Variants in SPAG1 observed in about 807,000 individuals in gnomAD.
SPAG1 encodes sperm-associated antigen 1.
SPAG1 carries 69 observed loss-of-function variants against 100.5 expected under a neutral mutation model. The observed-to-expected ratio is 0.69, with a 90% CI of 0.57 to 0.84. The LOEUF is 0.84. SPAG1 is among the 40% of genes least tolerant of loss of function. The pLI is 0.00. For synonymous variants in SPAG1, 336 were observed against 411.6 expected (o/e 0.82, Z 2.22); for missense variants, 955 against 1,133.1 (o/e 0.84, Z 2.26).
intron 3 of SPAG1, among the ~76,000 whole-genome samples, chr8:100,172,546 G>C (rs988149060): frequency 2.6e-5 from 4 of 152,058 alleles, no homozygotes; most frequent in African/African-American, 9.7e-5. Flanking sequence ...CTTGAACCCA[G>C]GAGGTGGAGG....
chr8:100,217,155 G>C (rs763548535), intron 12 of SPAG1, among the ~76,000 whole-genome samples: 1 of 151,688 alleles, frequency 6.6e-6, no homozygotes, highest in Non-Finnish European at 1.5e-5. Flanking sequence ...AGGCCAGGCT[G>C]GTCTTGAATT....
intron 10 of SPAG1, among the ~76,000 whole-genome samples, chr8:100,199,921 T>C (rs1296410968): frequency 1.3e-5 from 2 of 152,202 alleles, no homozygotes; most frequent in African/African-American, 4.8e-5. Flanking sequence ...TTTTTTGTTT[T>C]TTTTTTAGGG....
At chr8:100,234,528 T>G (rs995922792) in intron 16 of SPAG1, among the ~76,000 whole-genome samples, 9 of 152,240 alleles carry the variant, frequency 5.9e-5, no homozygotes, top group African/African-American at 2.2e-4. Context: ...TGGACTCTAC[T>G]GTTTGGCTTC....
In SPAG1 at chr8:100,194,275, T is replaced by C. The variant is rs1816936417; in HGVS notation, c.1096+7T>C. On this transcript the variant is annotated splice_region_variant and intron_variant, in intron 10 of 18. Transcript: ENST00000388798. ...GATGGCGGTGGAGATAAGAGTAAAA[T>C]ATTTTTTCTATTTAGGTTATGTAAA... is the stretch of plus-strand genomic sequence containing the variant. The C allele has an allele frequency of 1.2e-6, 2 of 1,604,914 alleles. No homozygotes were observed. The highest frequency in any genetic ancestry group is 1.3e-5 in the African/African-American group (1 of 74,618).
Position 100,174,277 on chromosome 8 carries a change from A to G in SPAG1, c.301-3539A>G, listed in dbSNP as rs112878227. Among the ~76,000 whole-genome samples, 997 of 152,336 alleles carry G rather than the reference A, an allele frequency of 6.5e-3. 12 individuals carry two copies. The highest frequency in any genetic ancestry group is 0.023 in the African/African-American group (945 of 41,582). On this transcript the variant is annotated intron_variant, in intron 3 of 18. Transcript: ENST00000388798. ...TTCTTACAATAAAGTAAGCTAGAGA[A>G]AAGAAAATGTTATTAGGAAAATCAT...
intron 3 of SPAG1, among the ~76,000 whole-genome samples, chr8:100,168,073 G>T (rs990508017): frequency 2.0e-5 from 3 of 152,108 alleles, no homozygotes; most frequent in Non-Finnish European, 2.9e-5. Flanking sequence ...GATAAGACCC[G>T]CAGTGGATGC....
intron 10 of SPAG1, among the ~76,000 whole-genome samples, chr8:100,205,274 A>G (rs1817458919): frequency 6.6e-6 from 1 of 152,130 alleles, no homozygotes; most frequent in Non-Finnish European, 1.5e-5. Context: ...TCCTTCCCCA[A>G]GGAGACCTCT....
At chr8:100,192,417 A>G (rs1816853491) in intron 9 of SPAG1, among the ~76,000 whole-genome samples, 1 of 152,184 alleles carries the variant, frequency 6.6e-6, no homozygotes, top group African/African-American at 2.4e-5. Flanking sequence ...CCTTTATTAC[A>G]CTGGAGAGCC....
chr8:100,168,687 C>CTTTTTTTTTTTTTTTTTT (rs747506730), intron 3 of SPAG1, among the ~76,000 whole-genome samples: 1,199 of 95,126 alleles, frequency 0.013, 211 homozygotes, highest in East Asian at 0.019. Context: ...GCCCAGCCAT[C>CTTTTTTTTTTTTTTTTTT]TTTTTTTTTT....
intron 2 of SPAG1, among the ~76,000 whole-genome samples, chr8:100,162,735 T>TG (rs1815367923): frequency 6.6e-6 from 1 of 152,148 alleles, no homozygotes; most frequent in African/African-American, 2.4e-5. Flanking sequence ...CCCAGCACTT[T>TG]GGGAGGCTGA....
chr8:100,183,139 A>ATTTTTTTTTTTTTTTTTTT, intron 4 of SPAG1, among the ~76,000 whole-genome samples: 1 of 151,874 alleles, frequency 6.6e-6, no homozygotes, highest in African/African-American at 2.4e-5. Flanking sequence ...TGCCCAGCTA[A>ATTTTTTTTTTTTTTTTTTT]TTTTTGTATT....
At chr8:100,204,643 T>G (rs527737046) in intron 10 of SPAG1, among the ~76,000 whole-genome samples, 86 of 152,296 alleles carry the variant, frequency 5.6e-4, no homozygotes, top group Admixed American at 2.7e-3. Context: ...ATCCAAAGGC[T>G]TAGGGAGATT....
chr8:100,192,295 G>A (rs1433773581), intron 9 of SPAG1, among the ~76,000 whole-genome samples: 1 of 152,086 alleles, frequency 6.6e-6, no homozygotes, highest in African/African-American at 2.4e-5. Context: ...CACTCCAACT[G>A]GGGCAACAGA....
intron 9 of SPAG1, among the ~76,000 whole-genome samples, chr8:100,191,761 T>G (rs1816826176): frequency 6.6e-6 from 1 of 152,150 alleles, no homozygotes; most frequent in South Asian, 2.1e-4. Context: ...GTAGGCAATG[T>G]TTTTCTCTGA....
chr8:100,176,588 C>T (rs1265569361), intron 3 of SPAG1, among the ~76,000 whole-genome samples: 1 of 152,170 alleles, frequency 6.6e-6, no homozygotes, highest in Non-Finnish European at 1.5e-5. Context: ...TGGTCTGGAA[C>T]TCCTGACCTC....
At chr8:100,215,589 A>G in intron 12 of SPAG1, among the ~76,000 whole-genome samples, 1 of 152,194 alleles carries the variant, frequency 6.6e-6, no homozygotes, top group Non-Finnish European at 1.5e-5. Flanking sequence ...CCCAGGCGCC[A>G]TCTCGGCTCA....
intron 4 of SPAG1, among the ~76,000 whole-genome samples, chr8:100,179,476 G>A (rs1386688395): frequency 1.3e-5 from 2 of 152,166 alleles, no homozygotes; most frequent in African/African-American, 4.8e-5. Flanking sequence ...GGAGCAATGG[G>A]GTGGATGGAC....
chr8:100,182,397 G>C (rs1816404828), intron 4 of SPAG1, among the ~76,000 whole-genome samples: 1 of 152,228 alleles, frequency 6.6e-6, no homozygotes, highest in Non-Finnish European at 1.5e-5. Context: ...GGAGAGAAGA[G>C]TCACTCTCCT....
Position 100,184,033 on chromosome 8 carries a change from C to A in SPAG1, c.566C>A (p.Ser189Tyr). 1 of 1,516,140 alleles carries A rather than the reference C, an allele frequency of 6.6e-7. No homozygotes were observed. Among genetic ancestry groups the A allele is most frequent in the South Asian group, 1.3e-5 (1 of 79,268 alleles). 93.9% of individuals were successfully genotyped at this position (1,516,140 alleles called of 1,614,324 possible). Residue 189 changes from serine (S) to tyrosine (Y), a missense_variant, in exon 6 of 19, where the codon TCT becomes TAT. Coordinates refer to ENST00000388798, the MANE Select transcript of SPAG1 (RefSeq NM_003114.5). The stretch of plus-strand genomic sequence containing the variant: ...ACGGTAATAGACAAGTCACACTTGT[C>A]TAAAATTGAGACAAGAATAGATACA... ...EKTVIDKSHL[S>Y]KIETRIDTAG...
Sources: allele counts gnomAD v4.1 joint callset (sites outside exome capture counted in the v4.1 genomes callset), GRCh38; gene constraint gnomAD v4.1.1; transcripts MANE v1.5; gene names NCBI Gene and HGNC (gene_info 2026-07-23, HGNC 2026-07-21).